Variants in MYO6 observed in about 807,000 individuals in gnomAD.
MYO6 encodes myosin VI.
Under a neutral mutation model 178.7 loss-of-function variants are expected in MYO6, and 74 were observed. The ratio of observed to expected loss-of-function variants is 0.41; its 90% CI spans 0.34 to 0.50. The LOEUF is 0.50. MYO6 is among the 20% of genes least tolerant of loss of function. MYO6 has a pLI of 0.09. For missense variants in MYO6, 1,330 were observed against 1,547.4 expected (o/e 0.86, Z 2.36); for synonymous variants, 477 against 504.6 (o/e 0.95, Z 0.73).
intron 23 of MYO6, among the ~76,000 whole-genome samples, chr6:75,883,063 T>A (rs1309634335): frequency 6.6e-6 from 1 of 152,196 alleles, no homozygotes; most frequent in African/African-American, 2.4e-5. Flanking sequence ...GTTCATTGAT[T>A]AAGTTTCAGT....
In MYO6 at chr6:75,833,060, C is replaced by CA. The variant is rs1773277592; in HGVS notation, c.497+114dup. 8 of 747,394 alleles carry CA rather than the reference C, an allele frequency of 1.1e-5. No individual in the cohort carries two copies. In the Admixed American group the frequency reaches 1.6e-4, roughly 15 times the overall value. 46.3% of individuals were successfully genotyped at this position (747,394 alleles called of 1,614,324 possible). On this transcript the variant is annotated intron_variant, in intron 6 of 34. Transcript: ENST00000369977. ...GGAATGCAGTGTCACCACCACAGCT[C>CA]ACTGTAGCCTTGACCTCCTGGGCTC...
At chr6:75,823,876 A>G (rs1772162287) in intron 3 of MYO6, among the ~76,000 whole-genome samples, 1 of 152,250 alleles carries the variant, frequency 6.6e-6, no homozygotes, top group Non-Finnish European at 1.5e-5. Context: ...TGCTTTGCAC[A>G]GCATCTAATG....
At chr6:75,754,005 A>G (rs1289186638) in intron 1 of MYO6, among the ~76,000 whole-genome samples, 1 of 152,202 alleles carries the variant, frequency 6.6e-6, no homozygotes, top group Non-Finnish European at 1.5e-5. Context: ...TAAAACCTAA[A>G]GAAGAAATCT....
chr6:75,895,586 G>T (rs1440237687), intron 29 of MYO6, among the ~76,000 whole-genome samples: 1 of 149,740 alleles, frequency 6.7e-6, no homozygotes, highest in Non-Finnish European at 1.5e-5. Context: ...GGTGTCATCT[G>T]GGGTCACCAT....
At chr6:75,887,135 C>T (rs1275844986) in intron 25 of MYO6, 141 bp downstream of exon 25, 57 of 758,034 alleles carry the variant, frequency 7.5e-5, no homozygotes, top group Non-Finnish European at 9.0e-5. Flanking sequence ...CAAGTACATG[C>T]TCATCATTAT....
At chr6:75,786,362 T>G (rs1267983465) in intron 1 of MYO6, among the ~76,000 whole-genome samples, 1 of 152,240 alleles carries the variant, frequency 6.6e-6, no homozygotes. Flanking sequence ...ATGTCTTGGC[T>G]ATTCTTGGCC....
intron 2 of MYO6, among the ~76,000 whole-genome samples, chr6:75,819,867 G>A (rs1451441183): frequency 6.6e-6 from 1 of 152,236 alleles, no homozygotes; most frequent in East Asian, 1.9e-4. Flanking sequence ...TAGCCTGGGC[G>A]ACATAGTGAG....
chr6:75,881,241 T>C (rs1392421069), intron 22 of MYO6, among the ~76,000 whole-genome samples: 2 of 151,974 alleles, frequency 1.3e-5, no homozygotes, highest in African/African-American at 2.4e-5. Flanking sequence ...GGGTGGGTAA[T>C]GGGAGTTAGG....
At chr6:75,824,282 G>A (rs977429310) in intron 3 of MYO6, among the ~76,000 whole-genome samples, 2 of 152,202 alleles carry the variant, frequency 1.3e-5, no homozygotes, top group African/African-American at 4.8e-5. Context: ...TCTGGCAGGT[G>A]GTTTCCTTGG....
intron 19 of MYO6, among the ~76,000 whole-genome samples, chr6:75,872,201 T>C (rs1777213789): frequency 6.6e-6 from 1 of 152,184 alleles, no homozygotes; most frequent in African/African-American, 2.4e-5. Context: ...ATTGTTGAAA[T>C]AATTATTTGC....
At chr6:75,776,499 C>T (rs1382002848) in intron 1 of MYO6, among the ~76,000 whole-genome samples, 1 of 152,180 alleles carries the variant, frequency 6.6e-6, no homozygotes, top group Non-Finnish European at 1.5e-5. Context: ...CATCCTTTTG[C>T]CAACCAGAAA....
chr6:75,852,698 C>G (rs759352203), intron 11 of MYO6, among the ~76,000 whole-genome samples: 2 of 151,966 alleles, frequency 1.3e-5, no homozygotes, highest in African/African-American at 4.8e-5. Flanking sequence ...TTTTTATTGC[C>G]GAATAATATT....
At chr6:75,911,172 G>A (rs1562318292) in intron 32 of MYO6, among the ~76,000 whole-genome samples, 1 of 151,820 alleles carries the variant, frequency 6.6e-6, no homozygotes, top group Admixed American at 6.6e-5. Flanking sequence ...TTGGAAAGTA[G>A]TTTTATTTTA....
chr6:75,891,332 T>C (rs1183732267), intron 27 of MYO6, 26 bp downstream of exon 27: 10 of 1,548,894 alleles, frequency 6.5e-6, no homozygotes, highest in Admixed American at 3.4e-5. Context: ...GTTGAATTTC[T>C]ATTAAAATGG....
chr6:75,857,254 G>T lies in MYO6; in HGVS notation c.1381G>T (p.Glu461Ter). ...TGGAGTCCTAGATATTGCTGGTTTT[G>T]GTAAGTAGAGTTTCTTTTGTGAGTA... ...FIGVLDIAGF[E>*]YFEHNSFEQF... Residue 461 changes from glutamate (E) to a stop codon, truncating the protein, a stop_gained and splice_region_variant, in exon 13 of 35, where the codon GAG becomes TAG. Transcript: ENST00000369977. LOFTEE classifies it high-confidence loss of function. The T allele has an allele frequency of 1.9e-6, 3 of 1,612,706 alleles. No homozygotes were observed. Among genetic ancestry groups the T allele is most frequent in the Non-Finnish European group, 2.5e-6 (3 of 1,178,964 alleles).
At chr6:75,807,611 A>C (rs1770230167) in intron 1 of MYO6, among the ~76,000 whole-genome samples, 2 of 152,178 alleles carry the variant, frequency 1.3e-5, no homozygotes, top group African/African-American at 4.8e-5. Context: ...TGGATCTCAC[A>C]CAAGAAAGAA....
chr6:75,887,920 A>T (rs956331760), intron 25 of MYO6, among the ~76,000 whole-genome samples: 2 of 151,952 alleles, frequency 1.3e-5, no homozygotes, highest in Admixed American at 6.6e-5. Context: ...CGGAGCTTGC[A>T]GTGAGCCGAG....
chr6:75,768,875 A>T (rs1778672728), intron 1 of MYO6, among the ~76,000 whole-genome samples: 1 of 152,206 alleles, frequency 6.6e-6, no homozygotes, highest in South Asian at 2.1e-4. Flanking sequence ...TTTAATTGGC[A>T]CAGGGTTCTG....
At chr6:75,787,708 CTCTCTCTCTCTCTCTCTCTCTCTATA>C (rs1278813753) in intron 1 of MYO6, among the ~76,000 whole-genome samples, 111 of 71,978 alleles carry the variant, frequency 1.5e-3, no homozygotes, top group Non-Finnish European at 2.7e-3. Context: ...CTCTCTCTCT[CTCTCTCTCTCTCTCTCTCTCTCTATA>C]TATATATATA....
Sources: allele counts gnomAD v4.1 joint callset (sites outside exome capture counted in the v4.1 genomes callset), GRCh38; gene constraint gnomAD v4.1.1; transcripts MANE v1.5; gene names NCBI Gene and HGNC (gene_info 2026-07-23, HGNC 2026-07-21).